AXDND1: variants seen among roughly 807,000 people sequenced by gnomAD.
The protein encoded by AXDND1 is axonemal dynein light chain domain containing 1.
In AXDND1, 110 loss-of-function variants were observed where a neutral mutation model predicts 137.5. The observed-to-expected ratio is 0.80, with a 90% CI of 0.69 to 0.94. The LOEUF (loss-of-function observed/expected upper bound fraction) is 0.94. Ranked by LOEUF, AXDND1 falls within the 40% of genes least tolerant of loss-of-function variation. AXDND1 has a pLI of 0.00. For missense variants in AXDND1, 1,191 were observed against 1,169.8 expected (o/e 1.02, Z -0.26); for synonymous variants, 414 against 399.7 (o/e 1.04, Z -0.43).
intron 16 of AXDND1, chr1:179,455,481 C>G (rs891532499): frequency 6.6e-6 from 1 of 150,730 alleles, no homozygotes; most frequent in Non-Finnish European, 1.5e-5. Context: ...GTAGTCCCAG[C>G]TACTCTGGAG....
Position 179,444,974 on chromosome 1 carries a change from T to C in AXDND1, c.1568T>C (p.Leu523Pro). 1 of 1,595,890 alleles carries C rather than the reference T, an allele frequency of 6.3e-7. No homozygotes were observed. The highest frequency in any genetic ancestry group is 1.1e-5 in the South Asian group (1 of 90,206). The change falls in exon 16 of 26, where the codon CTG becomes CCG. Residue 523 changes from leucine (L) to proline (P), a missense_variant. Leu to Pro is a moderately conservative substitution (Grantham distance 98). Coordinates refer to ENST00000367618, the MANE Select transcript of AXDND1 (RefSeq NM_144696.6). ...CCTCTTCCTTTCACTCTTTAGATCC[T>C]GAATGAGAAAAAAGAAGAGTTTACT... ...LLDFKQWQKI[L>P]NEKKEEFTGD...
At chr1:179,424,797 T>C (rs987703052) in intron 12 of AXDND1, among the ~76,000 whole-genome samples, 1 of 152,218 alleles carries the variant, frequency 6.6e-6, no homozygotes, top group Admixed American at 6.5e-5. Context: ...TTGGGTTCAC[T>C]GATTCTTTCC....
Position 179,430,514 on chromosome 1 carries a change from A to T in AXDND1, c.1395A>T (p.Lys465Asn). 1 of 1,614,096 alleles carries T rather than the reference A, an allele frequency of 6.2e-7. No individual in the cohort carries two copies. Among genetic ancestry groups the T allele is most frequent in the Non-Finnish European group, 8.5e-7 (1 of 1,179,986 alleles). Reference sequence around the variant, plus strand: ...AAAAATGGAGAAACTTAGTGAATAAACTTAAACAAGAGGTAGAACAAATGG... The same window carrying T: ...AAAAATGGAGAAACTTAGTGAATAATCTTAAACAAGAGGTAGAACAAATGG... ...LTQKWRNLVN[K>N]LKQEVEQMEE... Residue 465 changes from lysine to asparagine, a missense_variant, in exon 14 of 26, where the codon AAA becomes AAT. Physicochemically the swap from Lys to Asn is moderately conservative, Grantham distance 94. Transcript: ENST00000367618.
intron 20 of AXDND1, among the ~76,000 whole-genome samples, chr1:179,499,684 TCTG>T (rs1286588799): frequency 1.3e-5 from 2 of 152,134 alleles, no homozygotes; most frequent in African/African-American, 2.4e-5. Flanking sequence ...CCAAAATTGG[TCTG>T]CTAAAAGACT....
intron 16 of AXDND1, among the ~76,000 whole-genome samples, 193 bp downstream of exon 16, chr1:179,445,397 A>G (rs1042647033): frequency 1.3e-5 from 2 of 152,178 alleles, no homozygotes; most frequent in African/African-American, 4.8e-5. Context: ...TTTAAAGTGT[A>G]TAATTCAGTG....
chr1:179,378,701 C>G lies in AXDND1; in HGVS notation c.439C>G (p.Pro147Ala). 6.3e-6 allele frequency: 10 copies of G among 1,597,334 alleles called. No homozygotes were observed. Among genetic ancestry groups the G allele is most frequent in the Non-Finnish European group, 7.7e-6 (9 of 1,170,342 alleles). ...KGQTREKAVC[P>A]PHLARSLQSH... is the part of the protein sequence containing the mutation. Reference sequence around the variant, plus strand: ...ACAGACTAGGGAGAAGGCAGTTTGTCCCCCACATTTGGCCCGTTCATTACA... The same window carrying G: ...ACAGACTAGGGAGAAGGCAGTTTGTGCCCCACATTTGGCCCGTTCATTACA... Residue 147 changes from proline (P) to alanine (A), a missense_variant, in exon 5 of 26, where the codon CCC (proline) becomes GCC (alanine). Pro to Ala is a conservative substitution (Grantham distance 27). Coordinates refer to ENST00000367618, the MANE Select transcript of AXDND1 (RefSeq NM_144696.6).
At chr1:179,443,267 A>G (rs369454726) in intron 15 of AXDND1, among the ~76,000 whole-genome samples, 10 of 152,234 alleles carry the variant, frequency 6.6e-5, no homozygotes, top group South Asian at 2.1e-4. Context: ...TCGGCTCCCT[A>G]TAAGTGAGGG....
intron 18 of AXDND1, among the ~76,000 whole-genome samples, chr1:179,490,792 A>G (rs1015599194): frequency 2.6e-5 from 4 of 151,056 alleles, no homozygotes; most frequent in Non-Finnish European, 5.9e-5. Context: ...ACAACCACCA[A>G]TCAAACCAGT....
intron 17 of AXDND1, among the ~76,000 whole-genome samples, chr1:179,482,098 A>ATTTTTTTTTTTTT (rs57145549): frequency 9.3e-6 from 1 of 108,070 alleles, no homozygotes. Flanking sequence ...GAGCTTTTTA[A>ATTTTTTTTTTTTT]TTTTTTTTTT....
intron 12 of AXDND1, among the ~76,000 whole-genome samples, chr1:179,418,662 G>T (rs559203141): frequency 7.0e-6 from 1 of 142,386 alleles, no homozygotes; most frequent in Non-Finnish European, 1.6e-5. Context: ...CTGGCCGGGT[G>T]GGGGGCCGAC....
intron 22 of AXDND1, among the ~76,000 whole-genome samples, chr1:179,526,457 A>G (rs564726558): frequency 0.024 from 3,706 of 152,288 alleles, 161 homozygotes; most frequent in African/African-American, 0.084. Context: ...GGCAGAACCG[A>G]TATTCAAACC....
At chr1:179,413,713 A>T (rs947793721) in intron 12 of AXDND1, among the ~76,000 whole-genome samples, 1 of 152,208 alleles carries the variant, frequency 6.6e-6, no homozygotes, top group African/African-American at 2.4e-5. Context: ...ATATGAGTGC[A>T]GGTGTCTTTT....
intron 16 of AXDND1, among the ~76,000 whole-genome samples, chr1:179,447,306 AT>A (rs1166460920): frequency 2.0e-5 from 3 of 152,252 alleles, no homozygotes; most frequent in South Asian, 2.1e-4. Context: ...GAGTGAGAAC[AT>A]GCAATATCTA....
At chr1:179,490,312 A>G (rs904297402) in intron 18 of AXDND1, among the ~76,000 whole-genome samples, 2 of 152,182 alleles carry the variant, frequency 1.3e-5, no homozygotes, top group African/African-American at 4.8e-5. Context: ...ATACTCCAGA[A>G]CTAACCAAAC....
chr1:179,385,561 G>A lies in AXDND1; in HGVS notation c.863+202G>A, dbSNP rs1649066232. On this transcript the variant is annotated intron_variant, in intron 9 of 25. Transcript: ENST00000367618. ...TTTTATTTTAGCCATATTATCTTGG[G>A]TGAGATACAGTGAGACCTGATGCAG... is the stretch of plus-strand genomic sequence containing the variant. 2.0e-5 allele frequency among the ~76,000 whole-genome samples: 3 copies of A among 152,090 alleles called. No individual in the cohort carries two copies. The South Asian group carries it at 6.2e-4, about 32-fold the overall frequency.
chr1:179,369,635 G>C (rs1667831147), intron 3 of AXDND1, among the ~76,000 whole-genome samples: 2 of 147,212 alleles, frequency 1.4e-5, no homozygotes, highest in Non-Finnish European at 1.5e-5. Context: ...CTGGACCACA[G>C]AGCAAGACTC....
At chr1:179,423,831 T>C (rs1402264032) in intron 12 of AXDND1, among the ~76,000 whole-genome samples, 3 of 152,250 alleles carry the variant, frequency 2.0e-5, no homozygotes, top group Non-Finnish European at 2.9e-5. Flanking sequence ...TATTATTGTT[T>C]TTGATAGATT....
At chr1:179,447,456 T>G in intron 16 of AXDND1, 1 of 430,330 alleles carries the variant, frequency 2.3e-6, no homozygotes, top group South Asian at 6.2e-5. Context: ...TGTTGTCCCT[T>G]CAAATACTAA....
chr1:179,451,478 T>A (rs1660546130), intron 16 of AXDND1: 1 of 150,940 alleles, frequency 6.6e-6, no homozygotes, highest in Non-Finnish European at 1.5e-5. Flanking sequence ...GTTTATCAAT[T>A]TTGTGGATCT....
Sources: gnomAD v4.1 joint callset for allele counts (sites outside exome capture counted in the v4.1 genomes callset) on GRCh38, gnomAD v4.1.1 for gene constraint, MANE v1.5 for transcripts, NCBI Gene and HGNC (gene_info 2026-07-23, HGNC 2026-07-21) for gene names.